CCDC102B: variants seen among roughly 807,000 people sequenced by gnomAD.
CCDC102B encodes coiled-coil domain-containing protein 102B.
CCDC102B carries 75 observed loss-of-function variants against 57.4 expected under a neutral mutation model. The observed-to-expected ratio is 1.31, with a 90% confidence interval of 1.08 to 1.58. The LOEUF is 1.58. Ranked by LOEUF, CCDC102B falls within the 40% of genes most tolerant of loss-of-function variation. The pLI is 0.00. For missense variants in CCDC102B, 636 were observed against 582.6 expected (o/e 1.09, Z -0.94); for synonymous variants, 206 against 201.9 (o/e 1.02, Z -0.17).
At chr18:68,776,734 G>C (rs56365325) in intron 2 of CCDC102B, among the ~76,000 whole-genome samples, 11,039 of 151,764 alleles carry the variant, frequency 0.073, 488 homozygotes, top group Admixed American at 0.13. Context: ...CCTGAGTAAT[G>C]AAATAATCTG....
chr18:68,826,502 G>A (rs543229574), intron 1 of CCDC102B, among the ~76,000 whole-genome samples: 8 of 152,184 alleles, frequency 5.3e-5, no homozygotes, highest in African/African-American at 1.7e-4. Context: ...TTCAGAAGTC[G>A]CATCTTACCA....
At chr18:68,737,429 C>T (rs1029041428) in intron 2 of CCDC102B, among the ~76,000 whole-genome samples, 17 of 139,780 alleles carry the variant, frequency 1.2e-4, no homozygotes, top group Non-Finnish European at 2.3e-4. Flanking sequence ...ATAGATTCTC[C>T]TCCCCATTGA....
At chr18:68,974,431 T>G (rs923313784) in intron 6 of CCDC102B, among the ~76,000 whole-genome samples, 2 of 152,138 alleles carry the variant, frequency 1.3e-5, no homozygotes, top group Non-Finnish European at 2.9e-5. Flanking sequence ...TCTGAGGTAT[T>G]GTTGAAAGCA....
At chr18:68,981,975 AAAAT>A (rs540324569) in intron 6 of CCDC102B, among the ~76,000 whole-genome samples, 5 of 151,902 alleles carry the variant, frequency 3.3e-5, no homozygotes, top group Non-Finnish European at 7.4e-5. Flanking sequence ...TATAATTAAA[AAAAT>A]AAATAAATAA....
At chr18:69,000,726 C>G (rs1288748202) in intron 6 of CCDC102B, among the ~76,000 whole-genome samples, 1 of 151,988 alleles carries the variant, frequency 6.6e-6, no homozygotes. Context: ...AGAGAATGAC[C>G]CTCAGAGATA....
intron 2 of CCDC102B, chr18:68,753,901 A>G (rs2033952870): frequency 6.6e-6 from 1 of 152,130 alleles, no homozygotes; most frequent in Non-Finnish European, 1.5e-5. Context: ...ATATATACAT[A>G]CTAAAGTTTT....
intron 6 of CCDC102B, among the ~76,000 whole-genome samples, chr18:68,989,871 C>A (rs2050819374): frequency 6.6e-6 from 1 of 152,222 alleles, no homozygotes; most frequent in Non-Finnish European, 1.5e-5. Context: ...GCTCCGCTAT[C>A]AGCTCCAATT....
chr18:68,719,929 A>T (rs2145182767), intron 2 of CCDC102B, among the ~76,000 whole-genome samples: 1 of 152,324 alleles, frequency 6.6e-6, no homozygotes, highest in South Asian at 2.1e-4. Flanking sequence ...TCCCAATAAA[A>T]TATCAAACCA....
Position 69,013,691 on chromosome 18 carries a change from CTAA to C in CCDC102B, c.1434+2590_1434+2592del, listed in dbSNP as rs200008199. 1.6e-3 allele frequency among the ~76,000 whole-genome samples: 250 copies of C among 152,146 alleles called. 2 individuals carry two copies. In the East Asian group the frequency reaches 0.027, roughly 17 times the overall value. On this transcript the variant is annotated intron_variant, in intron 7 of 7. Coordinates refer to ENST00000360242, the MANE Select transcript of CCDC102B (RefSeq NM_024781.3). ...TGATTTTTAGGTGAAAACATATGAA[CTAA>C]TATTACTTGTTTGCTATTGGTGCAT...
chr18:68,715,269 C>T (rs932381337), exon 1 of CCDC102B: 1 of 1,311,564 alleles, frequency 7.6e-7, no homozygotes, highest in South Asian at 1.7e-5. Flanking sequence ...CGTGGGAACC[C>T]TGCTTAAGGG....
intron 2 of CCDC102B, among the ~76,000 whole-genome samples, chr18:68,738,997 TG>T (rs374194812): frequency 6.6e-5 from 10 of 150,800 alleles, no homozygotes; most frequent in African/African-American, 2.5e-4. Flanking sequence ...AGCAGCCTTT[TG>T]TTTTTTTTTT....
rs12954054 is a variant in CCDC102B, at chr18:68,838,801, C to T, written c.702C>T (p.Asn234=). 4.9e-3 allele frequency: 7,954 copies of T among 1,613,876 alleles called. 26 individuals are homozygous for T. The highest frequency in any genetic ancestry group is 6.1e-3 in the Non-Finnish European group (7,153 of 1,179,932). The part of the protein sequence containing the change: ...VDLFNNGGSG[N]GETKTGLRLK... ...TATTCAACAATGGTGGTTCTGGAAA[C>T]GGTGAAACGAAAACTGGGCTGAGAC... is the stretch of plus-strand genomic sequence containing the variant. Residue 234 remains asparagine (N), a synonymous_variant, in exon 3 of 8, where the codon AAC becomes AAT. Transcript: ENST00000360242.
At chr18:68,774,584 T>G (rs2034748423) in intron 2 of CCDC102B, among the ~76,000 whole-genome samples, 1 of 152,044 alleles carries the variant, frequency 6.6e-6, no homozygotes, top group East Asian at 1.9e-4. Flanking sequence ...AGAAAATAAC[T>G]AAATATTTTA....
At chr18:68,912,618 G>A (rs1163238380) in intron 6 of CCDC102B, among the ~76,000 whole-genome samples, 3 of 152,140 alleles carry the variant, frequency 2.0e-5, no homozygotes, top group Non-Finnish European at 4.4e-5. Flanking sequence ...TAGTATATAC[G>A]TTTTTTAGTC....
chr18:69,034,515 A>G (rs534296228), intron 7 of CCDC102B, among the ~76,000 whole-genome samples: 27 of 152,116 alleles, frequency 1.8e-4, no homozygotes, highest in African/African-American at 6.3e-4. Flanking sequence ...GCAATTGACC[A>G]TAAATGTCAG....
intron 5 of CCDC102B, among the ~76,000 whole-genome samples, chr18:68,893,426 G>A (rs543106623): frequency 4.6e-5 from 7 of 152,198 alleles, no homozygotes; most frequent in South Asian, 2.1e-4. Context: ...GCCAATGTAC[G>A]GAGAAGTCCT....
intron 2 of CCDC102B, among the ~76,000 whole-genome samples, chr18:68,763,688 AATATTCCTCAATACAG>A (rs2034327840): frequency 1.1e-5 from 1 of 94,608 alleles, no homozygotes; most frequent in Non-Finnish European, 2.4e-5. Context: ...TTGTTAAACA[AATATTCCTCAATACAG>A]ACAAATATTC....
At chr18:69,038,998 C>T (rs977303976) in intron 7 of CCDC102B, among the ~76,000 whole-genome samples, 2 of 151,740 alleles carry the variant, frequency 1.3e-5, no homozygotes, top group African/African-American at 4.8e-5. Context: ...TTAGCAAAGC[C>T]CTCGCATATT....
At chr18:68,987,325 A>T (rs1599798662) in intron 6 of CCDC102B, among the ~76,000 whole-genome samples, 1 of 152,036 alleles carries the variant, frequency 6.6e-6, no homozygotes, top group Non-Finnish European at 1.5e-5. Flanking sequence ...TGGGGAAAAG[A>T]CTCCCCATTC....
Sources: allele counts gnomAD v4.1 joint callset (sites outside exome capture counted in the v4.1 genomes callset), GRCh38; gene constraint gnomAD v4.1.1; transcripts MANE v1.5; gene names NCBI Gene and HGNC (gene_info 2026-07-23, HGNC 2026-07-21).